The following TBL1XR1 variants were observed in gnomAD, a reference collection of about 807,000 sequenced individuals.
TBL1XR1 encodes TBL1X/Y related 1, also known as F-box-like/WD repeat-containing protein TBL1XR1.
A neutral mutation model predicts 66.9 loss-of-function variants in TBL1XR1; 5 were observed. The ratio of observed to expected loss-of-function variants is 0.07; its 90% CI spans 0.04 to 0.16. The LOEUF is 0.16. Ranked by LOEUF, TBL1XR1 falls within the 10% of genes least tolerant of loss-of-function variation. The pLI is 1.00. For synonymous variants in TBL1XR1, 210 were observed against 206.0 expected, an observed-to-expected ratio of 1.02 and a Z score of -0.17; for missense variants, 238 against 623.2, an observed-to-expected ratio of 0.38 and a Z score of 6.58.
rs76419714 is a variant in TBL1XR1, at chr3:177,057,454, G to A, written c.59-3536C>T. 7.6e-3 allele frequency among the ~76,000 whole-genome samples: 1,155 copies of A among 152,166 alleles called. 18 individuals are homozygous for A. The highest frequency in any genetic ancestry group is 0.041 in the Middle Eastern group (12 of 294). On this transcript the variant is annotated intron_variant, in intron 3 of 15. Coordinates refer to ENST00000457928, the MANE Select transcript of TBL1XR1 (RefSeq NM_024665.7). Reference sequence around the variant, plus strand: ...ACTAGCACATTACCTGAGTCAACAAGTACTCAATAAACATTTTTTAAATTA... The same window carrying A: ...ACTAGCACATTACCTGAGTCAACAAATACTCAATAAACATTTTTTAAATTA...
intron 1 of TBL1XR1, among the ~76,000 whole-genome samples, chr3:177,117,914 T>G (rs1453409557): frequency 6.6e-6 from 1 of 152,192 alleles, no homozygotes; most frequent in Non-Finnish European, 1.5e-5. Context: ...TCTGACCCCC[T>G]CAATTTGCTA....
intron 1 of TBL1XR1, among the ~76,000 whole-genome samples, chr3:177,159,262 T>C (rs1731883297): frequency 1.3e-5 from 2 of 152,096 alleles, no homozygotes; most frequent in Admixed American, 6.6e-5. Context: ...CTGAAAGAAG[T>C]AGCTACTTGA....
intron 1 of TBL1XR1, among the ~76,000 whole-genome samples, chr3:177,169,772 A>G (rs1372636719): frequency 4.6e-5 from 7 of 152,360 alleles, no homozygotes; most frequent in African/African-American, 1.7e-4. Context: ...ATGAAGACCA[A>G]AAGTTAAGGA....
chr3:177,182,261 G>C (rs539069614), intron 1 of TBL1XR1, among the ~76,000 whole-genome samples: 4 of 152,186 alleles, frequency 2.6e-5, no homozygotes, highest in African/African-American at 9.6e-5. Flanking sequence ...TGGTGGCGTA[G>C]TAGTCCCAGA....
chr3:177,116,952 C>T (rs1726379894), intron 1 of TBL1XR1, among the ~76,000 whole-genome samples: 1 of 152,142 alleles, frequency 6.6e-6, no homozygotes, highest in Non-Finnish European at 1.5e-5. Context: ...GTCTGAAAGT[C>T]CAGAATGCTT....
intron 1 of TBL1XR1, among the ~76,000 whole-genome samples, chr3:177,170,263 T>A (rs1330835621): frequency 6.6e-6 from 1 of 152,142 alleles, no homozygotes; most frequent in Non-Finnish European, 1.5e-5. Flanking sequence ...GATCCTGTCA[T>A]CACTACCTCC....
chr3:177,075,594 A>G (rs1486906415), intron 2 of TBL1XR1, among the ~76,000 whole-genome samples: 2 of 152,322 alleles, frequency 1.3e-5, no homozygotes, highest in East Asian at 1.9e-4. Flanking sequence ...TTCAGGCTGA[A>G]AAAGTAACAG....
At chr3:177,159,376 C>T (rs1363416477) in intron 1 of TBL1XR1, among the ~76,000 whole-genome samples, 1 of 151,936 alleles carries the variant, frequency 6.6e-6, no homozygotes, top group Non-Finnish European at 1.5e-5. Flanking sequence ...TAAGGGCCCT[C>T]TATTTTAAAA....
rs1387739301 is a variant in TBL1XR1 at position 177,022,224 on chromosome 3, ATCTAGTGATTACTT to A, written c.*3260_*3273del. On this transcript the variant is annotated 3_prime_UTR_variant, in exon 16 of 16. Transcript: ENST00000457928. ...AAGCAAAAAACCTTCATGTATTTCA[ATCTAGTGATTACTT>A]TTTGCACCATAATTTGTTTTTTACA... The A allele has an allele frequency of 6.6e-6, 1 of 152,554 alleles. No homozygotes were observed. Among genetic ancestry groups the A allele is most frequent in the African/African-American group, 2.4e-5 (1 of 41,438 alleles). 9.5% of individuals were successfully genotyped at this position (152,554 alleles called of 1,614,324 possible).
chr3:177,053,976 A>G (rs1436225615), intron 3 of TBL1XR1, 58 bp from the exon 4 acceptor site: 2 of 1,518,004 alleles, frequency 1.3e-6, no homozygotes, highest in Non-Finnish European at 1.8e-6. Flanking sequence ...ATGCTAAATG[A>G]CACAGAAAGA....
intron 1 of TBL1XR1, among the ~76,000 whole-genome samples, chr3:177,172,651 G>C (rs1310085903): frequency 1.6e-5 from 2 of 128,184 alleles, no homozygotes; most frequent in African/African-American, 5.7e-5. Flanking sequence ...GAGAGAGAAA[G>C]AGAGAGAGAG....
Position 177,022,792 on chromosome 3 carries a change from G to GTCTATT in TBL1XR1, c.*2700_*2705dup, listed in dbSNP as rs1712553149. 1.3e-5 allele frequency: 2 copies of GTCTATT among 152,564 alleles called. No homozygotes were observed. The highest frequency in any genetic ancestry group is 4.1e-4 in the South Asian group (2 of 4,820). The allele number at this position is 152,564 out of a possible 1,614,324, so 9.5% of individuals were successfully genotyped here. On this transcript the variant is annotated 3_prime_UTR_variant, in exon 16 of 16. Coordinates refer to ENST00000457928, the MANE Select transcript of TBL1XR1 (RefSeq NM_024665.7). ...TCAAATTAGAGACAATCTTATTGCT[G>GTCTATT]TCTATTGGAGCAGCATCGTGGCACA...
chr3:177,027,060 A>G (rs1181841988), intron 14 of TBL1XR1: 2 of 152,314 alleles, frequency 1.3e-5, no homozygotes, highest in East Asian at 1.9e-4. Flanking sequence ...CAGCTGTGCA[A>G]TCATAGCTCA....
chr3:177,039,627 A>G (rs1715294512), intron 10 of TBL1XR1, among the ~76,000 whole-genome samples: 1 of 152,188 alleles, frequency 6.6e-6, no homozygotes, highest in African/African-American at 2.4e-5. Context: ...GCAAGGTGCA[A>G]AAGATCTCCG....
At chr3:177,146,607 A>AAAAAAAAAAAAAAAAAAAAG (rs1230752188) in intron 1 of TBL1XR1, among the ~76,000 whole-genome samples, 12 of 149,336 alleles carry the variant, frequency 8.0e-5, no homozygotes, top group Admixed American at 2.0e-4. Context: ...AAAAAAAAAA[A>AAAAAAAAAAAAAAAAAAAAG]GTTGTATTCA....
chr3:177,174,966 T>C (rs6443433), intron 1 of TBL1XR1, among the ~76,000 whole-genome samples: 86,734 of 152,042 alleles, frequency 0.57, 25,115 homozygotes, highest in East Asian at 0.75. Context: ...CTTCTCATCA[T>C]TTACCAACTT....
intron 1 of TBL1XR1, among the ~76,000 whole-genome samples, chr3:177,144,326 T>C (rs1371045796): frequency 6.6e-6 from 1 of 152,082 alleles, no homozygotes; most frequent in African/African-American, 2.4e-5. Context: ...AGTTACTAAG[T>C]ACAACATTAA....
At chr3:177,054,071 T>C (rs908070885) in intron 3 of TBL1XR1, among the ~76,000 whole-genome samples, 153 bp from the exon 4 acceptor site, 46 of 129,420 alleles carry the variant, frequency 3.6e-4, no homozygotes, top group Non-Finnish European at 2.5e-4. Flanking sequence ...TGTGTGTGTG[T>C]GTGCGCGCGC....
chr3:177,091,860 G>A (rs1722881496), intron 2 of TBL1XR1, among the ~76,000 whole-genome samples: 1 of 152,082 alleles, frequency 6.6e-6, no homozygotes, highest in African/African-American at 2.4e-5. Context: ...AATATCTGTT[G>A]GGGAAAGTTT....
Sources: gnomAD v4.1 joint callset for allele counts (sites outside exome capture counted in the v4.1 genomes callset) on GRCh38, gnomAD v4.1.1 for gene constraint, MANE v1.5 for transcripts, NCBI Gene and HGNC (gene_info 2026-07-23, HGNC 2026-07-21) for gene names.